The following RBFOX3 variants were observed in gnomAD, a reference collection of about 807,000 sequenced individuals.
The protein encoded by RBFOX3 is RNA binding protein fox-1 homolog 3.
RBFOX3 carries 17 observed loss-of-function variants against 48.7 expected under a neutral mutation model. The ratio of observed to expected loss-of-function variants is 0.35; its 90% CI spans 0.24 to 0.52. RBFOX3 has a LOEUF of 0.52. Among genes scored for constraint, RBFOX3 ranks in the 20% least tolerant of loss-of-function variants. The pLI, the probability that RBFOX3 is intolerant of heterozygous loss-of-function variation, is 0.94. For synonymous variants in RBFOX3, 212 were observed against 209.5 expected (o/e 1.01, Z -0.10); for missense variants, 382 against 497.5 (o/e 0.77, Z 2.21).
chr17:79,512,040 G>A (rs1370412678), intron 1 of RBFOX3, among the ~76,000 whole-genome samples: 2 of 132,990 alleles, frequency 1.5e-5, no homozygotes, highest in East Asian at 4.7e-4. Context: ...TGTTACCATC[G>A]AGTACAGTCC....
intron 3 of RBFOX3, among the ~76,000 whole-genome samples, chr17:79,295,166 G>A (rs1190220051): frequency 6.6e-6 from 1 of 152,196 alleles, no homozygotes; most frequent in Non-Finnish European, 1.5e-5. Flanking sequence ...GTTTGACCTG[G>A]CACCAGTGGT....
chr17:79,119,775 C>T (rs1444397533), intron 4 of RBFOX3, among the ~76,000 whole-genome samples: 1 of 152,196 alleles, frequency 6.6e-6, no homozygotes, highest in African/African-American at 2.4e-5. Context: ...CACAGCTGTG[C>T]TGGTGTGGCT....
intron 2 of RBFOX3, among the ~76,000 whole-genome samples, chr17:79,422,119 C>A (rs541869941): frequency 6.6e-6 from 1 of 151,836 alleles, no homozygotes; most frequent in South Asian, 2.1e-4. Flanking sequence ...GGGTGTGGGC[C>A]GGGGAGGAGA....
chr17:79,189,191 T>C (rs2053996882), intron 4 of RBFOX3, among the ~76,000 whole-genome samples: 1 of 152,256 alleles, frequency 6.6e-6, no homozygotes, highest in South Asian at 2.1e-4. Context: ...CCTAACCTTT[T>C]CAAAGAGCCT....
Position 79,131,360 on chromosome 17 carries a change from C to A in RBFOX3, c.-33-15612G>T, listed in dbSNP as rs190989979. 9.9e-4 allele frequency among the ~76,000 whole-genome samples: 151 copies of A among 152,356 alleles called. 1 individual carries two copies. Among genetic ancestry groups the A allele is most frequent in the Non-Finnish European group, 1.8e-3 (120 of 68,034 alleles). ...GCGCTAGAGCGTCTGTGCTTCTGGA[C>A]AGGAAAACAAGCCCCTCGTCTACCT... On this transcript the variant is annotated intron_variant, in intron 4 of 14. Coordinates refer to ENST00000693108, the MANE Select transcript of RBFOX3 (RefSeq NM_001350451.2).
At chr17:79,253,134 C>T (rs1427590493) in intron 3 of RBFOX3, among the ~76,000 whole-genome samples, 5 of 152,220 alleles carry the variant, frequency 3.3e-5, no homozygotes, top group Non-Finnish European at 5.9e-5. Context: ...TCCTGGCGGC[C>T]GACAGACACC....
chr17:79,639,372 T>A, the RBFOX3 span, among the ~76,000 whole-genome samples: 10 of 152,068 alleles, frequency 6.6e-5, no homozygotes, highest in African/African-American at 2.4e-4. Flanking sequence ...GAGATGGGGT[T>A]TCACTGTGTT....
At chr17:79,468,719 T>C (rs1386726657) in intron 2 of RBFOX3, among the ~76,000 whole-genome samples, 5 of 119,254 alleles carry the variant, frequency 4.2e-5, no homozygotes, top group Non-Finnish European at 8.8e-5. Flanking sequence ...AATGGATGCA[T>C]AGATAGATAG....
intron 2 of RBFOX3, among the ~76,000 whole-genome samples, chr17:79,449,381 T>TACAGTTCCCGGGTCCCCCTC (rs1394588848): frequency 2.6e-5 from 4 of 151,820 alleles, no homozygotes; most frequent in African/African-American, 9.7e-5. Flanking sequence ...CTTTCTCCCT[T>TACAGTTCCCGGGTCCCCCTC]ACAGTTCCCG....
At chr17:79,539,710 G>A (rs539191575) in intron 1 of RBFOX3, among the ~76,000 whole-genome samples, 1 of 152,194 alleles carries the variant, frequency 6.6e-6, no homozygotes, top group Non-Finnish European at 1.5e-5. Flanking sequence ...CTTCTGTGTT[G>A]TAAGAACAAA....
chr17:79,635,059 C>CAAAAAAAAAAAA, the RBFOX3 span, among the ~76,000 whole-genome samples: 1 of 53,494 alleles, frequency 1.9e-5, no homozygotes, highest in African/African-American at 5.4e-5. Flanking sequence ...GACTCCATCT[C>CAAAAAAAAAAAA]AAAAAAAAAA....
the RBFOX3 span, among the ~76,000 whole-genome samples, chr17:79,656,895 G>GGAAGGAA: frequency 0.14 from 16,485 of 116,228 alleles, 1,934 homozygotes; most frequent in South Asian, 0.18. Flanking sequence ...GAAGGAAGGA[G>GGAAGGAA]GGAAGGAAGG....
rs529422152 is a variant in RBFOX3, at chr17:79,471,628, C to T, written c.-175+10826G>A. Among the ~76,000 whole-genome samples, 4 of 152,282 alleles carry T rather than the reference C, an allele frequency of 2.6e-5. No individual in the cohort carries two copies. The highest frequency in any genetic ancestry group is 4.8e-5 in the African/African-American group (2 of 41,542). ...GGCGCACACACACCTGTCACCTCTC[C>T]GTGGACTGCAGTGTTTAAAAGACAG... is the stretch of plus-strand genomic sequence containing the variant. On this transcript the variant is annotated intron_variant, in intron 2 of 14. Transcript: ENST00000693108. This position sits in a 1 kb window ranked among gnomAD's most constrained non-coding sequence, Gnocchi z 4.0.
At chr17:79,534,947 A>G (rs1167906483) in intron 1 of RBFOX3, among the ~76,000 whole-genome samples, 1 of 152,054 alleles carries the variant, frequency 6.6e-6, no homozygotes, top group Admixed American at 6.5e-5. Flanking sequence ...AATACGGGAG[A>G]GTCTGCTCTG....
At position 79,106,652 on chromosome 17, in the gene RBFOX3, C is replaced by A. The variant is rs2146661958; in HGVS notation, c.359G>T (p.Gly120Val). ...ATGGGTGGGGCCGCGCACACTCACC[C>A]CGAACATTTGCCGCAAGTCGGGGTC... The part of the protein sequence containing the change: ...FRDPDLRQMF[G>V]QFGKILDVEI... Residue 120 changes from glycine (G) to valine (V), a missense_variant and splice_region_variant, in exon 6 of 15, where the codon GGG becomes GTG. Around this residue, in one of 3 missense-constraint regions of RBFOX3, gnomAD observed 49 missense variants for 110.7 expected, o/e 0.44. Coordinates refer to ENST00000693108, the MANE Select transcript of RBFOX3 (RefSeq NM_001350451.2). 6.8e-7 allele frequency: 1 copy of A among 1,475,434 alleles called. No homozygotes were observed. Among genetic ancestry groups the A allele is most frequent in the Non-Finnish European group, 8.9e-7 (1 of 1,117,510 alleles). 91.4% of individuals were successfully genotyped at this position (1,475,434 alleles called of 1,614,324 possible).
chr17:79,158,684 T>C (rs2046334295), intron 4 of RBFOX3, among the ~76,000 whole-genome samples: 1 of 152,188 alleles, frequency 6.6e-6, no homozygotes, highest in South Asian at 2.1e-4. Flanking sequence ...CTCACTGTTT[T>C]CTGGGAGGAG....
intron 2 of RBFOX3, among the ~76,000 whole-genome samples, chr17:79,454,221 G>A (rs1015543551): frequency 3.4e-4 from 51 of 152,042 alleles, no homozygotes; most frequent in Non-Finnish European, 1.6e-4. Flanking sequence ...CCACCCAGCC[G>A]CATGCCCCAG....
intron 1 of RBFOX3, among the ~76,000 whole-genome samples, chr17:79,537,012 G>A (rs1215903733): frequency 6.6e-6 from 1 of 151,924 alleles, no homozygotes; most frequent in Non-Finnish European, 1.5e-5. Flanking sequence ...TTGAACCCAG[G>A]AGTCGGAGGT....
chr17:79,663,685 C>T, the RBFOX3 span, among the ~76,000 whole-genome samples: 1 of 152,162 alleles, frequency 6.6e-6, no homozygotes, highest in Non-Finnish European at 1.5e-5. Flanking sequence ...ATTTGGCCCC[C>T]CTGACCCTCA....
Sources: allele counts gnomAD v4.1 joint callset (sites outside exome capture counted in the v4.1 genomes callset), GRCh38; gene constraint gnomAD v4.1.1; regional missense constraint gnomAD v4.1.1; non-coding constraint Gnocchi (gnomAD v3.1); transcripts MANE v1.5; gene names NCBI Gene and HGNC (gene_info 2026-07-23, HGNC 2026-07-21).